The following YTHDC1 variants were observed in gnomAD, a reference collection of about 807,000 sequenced individuals.
The protein encoded by YTHDC1 is YTH domain-containing protein 1.
A neutral mutation model predicts 107.0 loss-of-function variants in YTHDC1; 12 were observed. That is an observed-to-expected ratio of 0.11 (90% confidence interval 0.07 to 0.18). YTHDC1 has a LOEUF of 0.18. Among genes scored for constraint, YTHDC1 ranks in the 10% least tolerant of loss-of-function variants. YTHDC1 has a pLI of 1.00. For missense variants in YTHDC1, 635 were observed against 898.8 expected, an observed-to-expected ratio of 0.71 and a Z score of 3.75; for synonymous variants, 280 against 289.5, an observed-to-expected ratio of 0.97 and a Z score of 0.33.
intron 16 of YTHDC1, among the ~76,000 whole-genome samples, chr4:68,314,997 G>T (rs761510316): frequency 3.3e-5 from 5 of 152,108 alleles, no homozygotes; most frequent in Non-Finnish European, 7.3e-5. Context: ...GATTATGTAA[G>T]TAGAGAATAT....
chr4:68,338,736 G>A (rs1331299913), intron 1 of YTHDC1, among the ~76,000 whole-genome samples: 1 of 152,166 alleles, frequency 6.6e-6, no homozygotes, highest in Non-Finnish European at 1.5e-5. Context: ...TTTAACCCCA[G>A]CTACTCAGAA....
chr4:68,329,908 AT>A lies in YTHDC1; in HGVS notation c.1349+93del, dbSNP rs552592906. On this transcript the variant is annotated intron_variant, in intron 9 of 16. Coordinates refer to ENST00000344157, the MANE Select transcript of YTHDC1 (RefSeq NM_001031732.4). ...AAAGGTAGTTACTGAACAAGGTAAG[AT>A]AAGTATACAGTGACTTTTTCACTTT... 1.8e-5 allele frequency: 16 copies of A among 890,088 alleles called. No individual in the cohort carries two copies. In the South Asian group the frequency reaches 2.4e-4, roughly 13 times the overall value. The allele number at this position is 890,088 out of a possible 1,614,324, so 55.1% of individuals were successfully genotyped here. A position where few individuals can be genotyped will look rare whatever the true frequency, so the allele number is the denominator to read the frequency against.
At chr4:68,342,555 T>C (rs182766444) in intron 1 of YTHDC1, among the ~76,000 whole-genome samples, 2 of 152,282 alleles carry the variant, frequency 1.3e-5, no homozygotes, top group African/African-American at 4.8e-5. Context: ...AAAATTACTA[T>C]AGTTTTATTT....
Position 68,337,053 on chromosome 4 carries a change from C to G in YTHDC1, c.857G>C (p.Arg286Thr), listed in dbSNP as rs1276894389. The G allele has an allele frequency of 6.2e-7, 1 of 1,612,882 alleles. No individual in the cohort carries two copies. The highest frequency in any genetic ancestry group is 1.3e-5 in the African/African-American group (1 of 75,030). ...ESVSFTDGSV[R>T]SGSGTDGSDE... ...TGATCCATCTGTGCCTGAACCAGAT[C>G]TGACAGACCCATCTGTGAAGGAAAC... Residue 286 changes from arginine (R) to threonine (T), a missense_variant, in exon 4 of 17, where the codon AGA becomes ACA. Arg to Thr is a moderately conservative substitution (Grantham distance 71). Coordinates refer to ENST00000344157, the MANE Select transcript of YTHDC1 (RefSeq NM_001031732.4).
intron 1 of YTHDC1, among the ~76,000 whole-genome samples, chr4:68,339,047 T>C (rs985277355): frequency 1.3e-5 from 2 of 152,236 alleles, no homozygotes; most frequent in Admixed American, 6.5e-5. Context: ...CAAATACGTA[T>C]GTACAACTTA....
At chr4:68,341,175 T>A (rs1205651925) in intron 1 of YTHDC1, among the ~76,000 whole-genome samples, 1 of 152,168 alleles carries the variant, frequency 6.6e-6, no homozygotes, top group Admixed American at 6.5e-5. Context: ...GTTGACCAAA[T>A]ACACTTGTCT....
At chr4:68,344,819 T>C (rs1014837334) in intron 1 of YTHDC1, among the ~76,000 whole-genome samples, 2 of 152,192 alleles carry the variant, frequency 1.3e-5, no homozygotes, top group African/African-American at 4.8e-5. Flanking sequence ...GCATATAGCT[T>C]GAGCTCAGGA....
chr4:68,338,311 C>T lies in YTHDC1; in HGVS notation c.102G>A (p.Glu34=). 1.2e-6 allele frequency: 2 copies of T among 1,609,134 alleles called. No homozygotes were observed. Among genetic ancestry groups the T allele is most frequent in the Non-Finnish European group, 8.5e-7 (1 of 1,178,038 alleles). ...TTTTCTCATTTTTATCTTGTTCACT[C>T]TCTGGATTATACAGTTCATCATCTT... is the stretch of plus-strand genomic sequence containing the variant. ...PEQDDELYNP[E]SEQDKNEKKG... is the part of the protein sequence containing the mutation. Residue 34 remains glutamate (E), a synonymous_variant, in exon 2 of 17, where the codon GAG becomes GAA. Coordinates refer to ENST00000344157, the MANE Select transcript of YTHDC1 (RefSeq NM_001031732.4).
At chr4:68,332,757 A>C in intron 6 of YTHDC1, 37 bp downstream of exon 6, 2 of 1,573,152 alleles carry the variant, frequency 1.3e-6, no homozygotes, top group South Asian at 1.1e-5. Flanking sequence ...ATGACTATGC[A>C]GCATGCAATG....
intron 9 of YTHDC1, among the ~76,000 whole-genome samples, chr4:68,327,520 G>A (rs1400321713): frequency 6.6e-6 from 1 of 152,064 alleles, no homozygotes; most frequent in Non-Finnish European, 1.5e-5. Context: ...GGTTTGAGGT[G>A]GGTTTCAAGA....
intron 7 of YTHDC1, 104 bp downstream of exon 7, chr4:68,331,999 G>T: frequency 4.9e-6 from 3 of 611,590 alleles, no homozygotes; most frequent in Non-Finnish European, 2.6e-6. Context: ...CTTTAAAGCC[G>T]TAATGAAAAT....
chr4:68,316,794 A>C (rs75018640), intron 15 of YTHDC1, among the ~76,000 whole-genome samples: 2 of 152,168 alleles, frequency 1.3e-5, no homozygotes, highest in Non-Finnish European at 2.9e-5. Flanking sequence ...CCCAGTTTAC[A>C]AAAGGGAAAA....
chr4:68,321,753 T>C (rs1384718977), intron 11 of YTHDC1, among the ~76,000 whole-genome samples: 2 of 152,144 alleles, frequency 1.3e-5, no homozygotes, highest in Non-Finnish European at 2.9e-5. Flanking sequence ...CCACAGGATG[T>C]CTCCACCAAA....
intron 4 of YTHDC1, 56 bp from the exon 5 acceptor site, chr4:68,333,453 A>G: frequency 3.9e-6 from 5 of 1,288,206 alleles, no homozygotes; most frequent in Non-Finnish European, 5.5e-6. Flanking sequence ...AAGAGAAGTA[A>G]TCAAACAAGA....
chr4:68,339,645 T>C (rs571719934), intron 1 of YTHDC1, among the ~76,000 whole-genome samples: 1 of 152,252 alleles, frequency 6.6e-6, no homozygotes, highest in East Asian at 1.9e-4. Flanking sequence ...TGTGACAAAA[T>C]GCTAACATCT....
chr4:68,337,272 TCATCTTCCTCCA>T lies in YTHDC1; in HGVS notation c.626_637del (p.Val209_Asp212del). 6.2e-7 allele frequency: 1 copy of T among 1,611,296 alleles called. No homozygotes were observed. The highest frequency in any genetic ancestry group is 8.5e-7 in the Non-Finnish European group (1 of 1,178,046). ...TTCTTCTGCATCTTCTTCTACTTCT[TCATCTTCCTCCA>T]CATCTTCTTCCACTCCTTCCTCCTC... is the stretch of plus-strand genomic sequence containing the variant. On this transcript the variant is annotated inframe_deletion, in exon 4 of 17. Coordinates refer to ENST00000344157, the MANE Select transcript of YTHDC1 (RefSeq NM_001031732.4).
chr4:68,347,347 T>C (rs900093102), intron 1 of YTHDC1, among the ~76,000 whole-genome samples: 1 of 152,218 alleles, frequency 6.6e-6, no homozygotes, highest in Non-Finnish European at 1.5e-5. Context: ...AAAAATGGCA[T>C]TTAATATTAG....
At chr4:68,338,495 T>C (rs996471529) in intron 1 of YTHDC1, 111 bp from the exon 2 acceptor site, 15 of 657,086 alleles carry the variant, frequency 2.3e-5, no homozygotes, top group Non-Finnish European at 3.8e-5. Flanking sequence ...TACTTTTATA[T>C]AAAAAGCTTT....
intron 9 of YTHDC1, 71 bp from the exon 10 acceptor site, chr4:68,324,294 T>TATAAG: frequency 5.2e-6 from 7 of 1,340,386 alleles, no homozygotes; most frequent in Non-Finnish European, 7.4e-6. Context: ...CTTTTAGTAG[T>TATAAG]GAATTCCTGT....
Sources: allele counts gnomAD v4.1 joint callset (sites outside exome capture counted in the v4.1 genomes callset), GRCh38; gene constraint gnomAD v4.1.1; transcripts MANE v1.5; gene names NCBI Gene and HGNC (gene_info 2026-07-23, HGNC 2026-07-21).